The following CPAP variants were observed in gnomAD, a reference collection of about 807,000 sequenced individuals.
CPAP encodes the protein centrosomal P4.1-associated protein.
the CPAP span, among the ~76,000 whole-genome samples, chr13:24,922,458 C>A: frequency 0.012 from 1,791 of 152,356 alleles, 39 homozygotes; most frequent in African/African-American, 0.039. Flanking sequence ...CAGCGGACTG[C>A]GGCTGCCGCG....
chr13:24,917,722 A>T, the CPAP span, among the ~76,000 whole-genome samples: 1 of 152,252 alleles, frequency 6.6e-6, no homozygotes, highest in Non-Finnish European at 1.5e-5. Flanking sequence ...GCTATAAAGA[A>T]TACCAGAGAA....
the CPAP span, among the ~76,000 whole-genome samples, chr13:24,928,965 A>C: frequency 6.6e-6 from 1 of 152,264 alleles, no homozygotes; most frequent in Admixed American, 6.5e-5. Flanking sequence ...TGATAACTGC[A>C]GAGCAATACC....
At chr13:24,909,361 T>A in the CPAP span, among the ~76,000 whole-genome samples, 13 of 152,132 alleles carry the variant, frequency 8.5e-5, no homozygotes, top group African/African-American at 3.1e-4. Flanking sequence ...ACCCCATCTC[T>A]ACTAAAAATA....
At chr13:24,895,505 G>T in the CPAP span, among the ~76,000 whole-genome samples, 2 of 152,202 alleles carry the variant, frequency 1.3e-5, no homozygotes, top group Admixed American at 1.3e-4. Context: ...GTGAAGCCGG[G>T]AGGGGCCGGC....
the CPAP span, chr13:24,906,157 C>A: frequency 6.2e-7 from 1 of 1,613,608 alleles, no homozygotes. Context: ...TGGGATCTGC[C>A]GGATTTGTCT....
the CPAP span, among the ~76,000 whole-genome samples, chr13:24,914,729 T>C: frequency 5.4e-3 from 816 of 152,292 alleles, 22 homozygotes; most frequent in East Asian, 0.081. Flanking sequence ...TAAGCCGTGA[T>C]TGTGTCACTG....
the CPAP span, among the ~76,000 whole-genome samples, chr13:24,909,198 G>C: frequency 6.6e-6 from 1 of 152,142 alleles, no homozygotes; most frequent in Non-Finnish European, 1.5e-5. Flanking sequence ...ACATATTTGA[G>C]CTTTCCACAC....
At chr13:24,912,189 G>T in the CPAP span, 1 of 929,538 alleles carries the variant, frequency 1.1e-6, no homozygotes, top group Non-Finnish European at 1.7e-6. Context: ...TTTTAGACAG[G>T]GACCCCTAGG....
the CPAP span, among the ~76,000 whole-genome samples, chr13:24,911,661 A>G: frequency 3.3e-5 from 5 of 151,214 alleles, no homozygotes; most frequent in Non-Finnish European, 7.4e-5. Flanking sequence ...CTCAGTCTCC[A>G]GAGTAGCTAG....
At chr13:24,920,617 TCC>T in the CPAP span, among the ~76,000 whole-genome samples, 1 of 139,588 alleles carries the variant, frequency 7.2e-6, no homozygotes, top group Non-Finnish European at 1.5e-5. Context: ...CAAATATGAT[TCC>T]TTTTTTTTTT....
At chr13:24,931,678 GTATTTCTAACTAGTTACAAAAATA>G in the CPAP span, among the ~76,000 whole-genome samples, 4 of 152,076 alleles carry the variant, frequency 2.6e-5, no homozygotes. Flanking sequence ...GCAGATAAAT[GTATTTCTAACTAGTTACAAAAATA>G]TATTTCTAAC....
At chr13:24,889,867 C>T in the CPAP span, among the ~76,000 whole-genome samples, 4 of 151,998 alleles carry the variant, frequency 2.6e-5, no homozygotes, top group East Asian at 7.8e-4. Flanking sequence ...CTGGCCAAAT[C>T]AAGCCCCAAT....
At chr13:24,931,306 C>CTTTTTTTTTTTTTTTTTTTTTTTTT in the CPAP span, among the ~76,000 whole-genome samples, 34 of 72,644 alleles carry the variant, frequency 4.7e-4, no homozygotes, top group South Asian at 1.4e-3. Context: ...TTTCATGTTT[C>CTTTTTTTTTTTTTTTTTTTTTTTTT]TTTTTTTTTT....
chr13:24,917,677 T>C, the CPAP span, among the ~76,000 whole-genome samples: 35 of 152,380 alleles, frequency 2.3e-4, no homozygotes, highest in African/African-American at 8.4e-4. Flanking sequence ...TCTATTTAAA[T>C]TGTAATTGGT....
At chr13:24,920,607 C>CAAAT in the CPAP span, among the ~76,000 whole-genome samples, 21 of 143,374 alleles carry the variant, frequency 1.5e-4, no homozygotes. Context: ...GAACATCAGA[C>CAAAT]AAATATGATT....
the CPAP span, chr13:24,884,548 A>AT: frequency 6.8e-6 from 9 of 1,327,018 alleles, no homozygotes; most frequent in East Asian, 4.6e-5. Context: ...CTACTTTGAA[A>AT]TTTTTTGTAA....
At chr13:24,903,206 C>T in the CPAP span, among the ~76,000 whole-genome samples, 1 of 152,166 alleles carries the variant, frequency 6.6e-6, no homozygotes. Flanking sequence ...ATACTATCGA[C>T]TGCTGTAGGT....
the CPAP span, among the ~76,000 whole-genome samples, chr13:24,923,289 T>C: frequency 1.3e-5 from 2 of 151,974 alleles, no homozygotes; most frequent in Admixed American, 6.6e-5. Context: ...GTCGTTTTTT[T>C]GGTTTGGTTT....
the CPAP span, among the ~76,000 whole-genome samples, chr13:24,905,154 T>C: frequency 6.6e-6 from 1 of 152,232 alleles, no homozygotes; most frequent in East Asian, 1.9e-4. Context: ...TATCTCACTT[T>C]ATTAAAAACT....
Sources: allele counts gnomAD v4.1 joint callset (sites outside exome capture counted in the v4.1 genomes callset), GRCh38; gene constraint gnomAD v4.1.1; transcripts MANE v1.5; gene names NCBI Gene and HGNC (gene_info 2026-07-23, HGNC 2026-07-21).